ARHGAP6: variants seen among roughly 807,000 people sequenced by gnomAD.
The protein encoded by ARHGAP6 is Rho GTPase activating protein 6.
Under a neutral mutation model 55.7 loss-of-function variants are expected in ARHGAP6, and 16 were observed. The ratio of observed to expected loss-of-function variants is 0.29; its 90% confidence interval spans 0.19 to 0.44. ARHGAP6 has a LOEUF of 0.44. ARHGAP6 is among the 20% of genes least tolerant of loss of function. ARHGAP6 has a pLI of 1.00. For missense variants in ARHGAP6, 698 were observed against 808.9 expected (o/e 0.86, Z 1.66); for synonymous variants, 382 against 360.9 (o/e 1.06, Z -0.66).
chrX:11,445,131 C>T lies in ARHGAP6; in HGVS notation c.589-190424G>A, dbSNP rs181520296. On this transcript the variant is annotated intron_variant, in intron 1 of 12. Coordinates refer to ENST00000337414, the MANE Select transcript of ARHGAP6 (RefSeq NM_013427.3). ...ATTTATTTTTATTGAGAAGAACATT[C>T]TTTTAAAAGCACTGTTCTTTTCCTT... Among the ~76,000 whole-genome samples, 23 of 112,497 alleles carry T rather than the reference C, an allele frequency of 2.0e-4. 1 individual carries two copies. In the East Asian group the frequency reaches 5.3e-3, roughly 26 times the overall value.
chrX:11,176,357 T>A (rs2147325980), intron 8 of ARHGAP6, among the ~76,000 whole-genome samples: 1 of 52,661 alleles, frequency 1.9e-5, no homozygotes, highest in Non-Finnish European at 3.6e-5. Flanking sequence ...ATATCTCCCC[T>A]AGCACAAAGC....
intron 2 of ARHGAP6, among the ~76,000 whole-genome samples, chrX:11,233,526 G>A (rs1405623047): frequency 2.7e-5 from 3 of 111,623 alleles, no homozygotes; most frequent in African/African-American, 9.8e-5. Flanking sequence ...TACTGGGGCA[G>A]ACATTCCTAC....
chrX:11,577,121 C>A (rs767003711), intron 1 of ARHGAP6, among the ~76,000 whole-genome samples: 3 of 112,224 alleles, frequency 2.7e-5, no homozygotes, highest in Non-Finnish European at 5.6e-5. Flanking sequence ...ATCTCAAGAT[C>A]CTTAATTTAA....
rs1317917166 is a variant in ARHGAP6, at chrX:11,179,298, G to A, written c.1480+4C>T. ...ACTTTCCCACATATGGCTGTATTAC[G>A]CACAGAGAGTGTTGATGAAAGCTGT... On this transcript the variant is annotated splice_donor_region_variant and intron_variant, in intron 7 of 12. Coordinates refer to ENST00000337414, the MANE Select transcript of ARHGAP6 (RefSeq NM_013427.3). The A allele has an allele frequency of 1.7e-6, 2 of 1,197,998 alleles. No homozygotes were observed. The highest frequency in any genetic ancestry group is 1.7e-5 in the African/African-American group (1 of 57,438).
chrX:11,347,775 C>T (rs1010887908), intron 1 of ARHGAP6, among the ~76,000 whole-genome samples: 1 of 111,715 alleles, frequency 9.0e-6, no homozygotes, highest in Non-Finnish European at 1.9e-5. Flanking sequence ...CACTCCACGC[C>T]ATTCAACATG....
chrX:11,650,894 C>T (rs2052576762), intron 1 of ARHGAP6, among the ~76,000 whole-genome samples: 1 of 112,304 alleles, frequency 8.9e-6, no homozygotes, highest in African/African-American at 3.2e-5. Context: ...TATCACCTTT[C>T]ATGTTTACTT....
chrX:11,563,051 TAA>T (rs924842537), intron 1 of ARHGAP6, among the ~76,000 whole-genome samples: 42 of 111,627 alleles, frequency 3.8e-4, no homozygotes, highest in Admixed American at 1.9e-3. Context: ...AAAGTTTTTT[TAA>T]AAGAGACATA....
chrX:11,228,716 T>C (rs1465276144), intron 2 of ARHGAP6, among the ~76,000 whole-genome samples: 1 of 112,498 alleles, frequency 8.9e-6, no homozygotes, highest in Non-Finnish European at 1.9e-5. Context: ...TTAAATTTCT[T>C]TTTTTGAGAC....
At chrX:11,511,729 T>C (rs908617253) in intron 1 of ARHGAP6, among the ~76,000 whole-genome samples, 2 of 111,468 alleles carry the variant, frequency 1.8e-5, no homozygotes, top group African/African-American at 6.5e-5. Flanking sequence ...GAGGTGGTAA[T>C]CAACTCATCC....
intron 1 of ARHGAP6, among the ~76,000 whole-genome samples, chrX:11,390,049 T>A (rs1221161747): frequency 8.9e-6 from 1 of 112,344 alleles, no homozygotes; most frequent in Non-Finnish European, 1.9e-5. Context: ...CTAGGGTTTT[T>A]ATGGTTTTAG....
chrX:11,231,832 T>C (rs906948534), intron 2 of ARHGAP6, among the ~76,000 whole-genome samples: 2 of 112,248 alleles, frequency 1.8e-5, no homozygotes, highest in African/African-American at 6.5e-5. Flanking sequence ...ATTTTTCTTA[T>C]TTATTTGTAA....
At position 11,431,037 on chromosome X, in the gene ARHGAP6, G is replaced by A. The variant is rs2049936187; in HGVS notation, c.589-176330C>T. ...TAAAATGCACATTTGATCCTTTGGG[G>A]TAATGGAGAGAGATAAAAAGGCAGC... On this transcript the variant is annotated intron_variant, in intron 1 of 12. Coordinates refer to ENST00000337414, the MANE Select transcript of ARHGAP6 (RefSeq NM_013427.3). Among the ~76,000 whole-genome samples the A allele has an allele frequency of 6.2e-5, 7 of 112,581 alleles. No homozygotes were observed. In the South Asian group the frequency reaches 2.6e-3, roughly 42 times the overall value.
intron 1 of ARHGAP6, among the ~76,000 whole-genome samples, chrX:11,577,829 T>C (rs1159383768): frequency 1.8e-5 from 2 of 111,044 alleles, no homozygotes; most frequent in South Asian, 3.9e-4. Flanking sequence ...GGACACATGC[T>C]CCCAGTTCTT....
At chrX:11,360,239 T>C (rs1426366211) in intron 1 of ARHGAP6, among the ~76,000 whole-genome samples, 1 of 111,980 alleles carries the variant, frequency 8.9e-6, no homozygotes, top group Non-Finnish European at 1.9e-5. Flanking sequence ...CTGATGAACA[T>C]TGATGCAAAA....
intron 1 of ARHGAP6, among the ~76,000 whole-genome samples, chrX:11,383,181 G>A (rs979345423): frequency 9.0e-6 from 1 of 111,400 alleles, no homozygotes; most frequent in African/African-American, 3.3e-5. Flanking sequence ...GGCAAATGAA[G>A]GAGTTCTGAA....
rs754289458 is a variant in ARHGAP6 at position 11,256,221 on chromosome X, C to T, written c.589-1514G>A. 2.6e-4 allele frequency among the ~76,000 whole-genome samples: 29 copies of T among 112,024 alleles called. 1 individual carries two copies. Among genetic ancestry groups the T allele is most frequent in the Non-Finnish European group, 3.6e-4 (19 of 53,152 alleles). On this transcript the variant is annotated intron_variant, in intron 1 of 12. Transcript: ENST00000337414. ...CCTGGCCAACATGGCAAAAGCCCGTCTCTACTAAAAATACAAAATTAGCCA... is the reference window on the plus strand; with the variant it reads ...CCTGGCCAACATGGCAAAAGCCCGTTTCTACTAAAAATACAAAATTAGCCA...
chrX:11,375,685 C>T (rs1056495121), intron 1 of ARHGAP6, among the ~76,000 whole-genome samples: 3 of 111,727 alleles, frequency 2.7e-5, no homozygotes, highest in Non-Finnish European at 5.6e-5. Context: ...TCTGCTTTCC[C>T]GCCTCCCATT....
chrX:11,324,352 A>G (rs1472611020), intron 1 of ARHGAP6, among the ~76,000 whole-genome samples: 1 of 112,232 alleles, frequency 8.9e-6, no homozygotes, highest in African/African-American at 3.2e-5. Flanking sequence ...GCGTTTTGGG[A>G]TGCTCAAGGC....
chrX:11,496,750 AATTAAT>A (rs1454324978), intron 1 of ARHGAP6, among the ~76,000 whole-genome samples: 1 of 112,249 alleles, frequency 8.9e-6, no homozygotes, highest in Non-Finnish European at 1.9e-5. Flanking sequence ...TGTCAAATTA[AATTAAT>A]ATTACTACTG....
Sources: gnomAD v4.1 joint callset for allele counts (sites outside exome capture counted in the v4.1 genomes callset) on GRCh38, gnomAD v4.1.1 for gene constraint, MANE v1.5 for transcripts, NCBI Gene and HGNC (gene_info 2026-07-23, HGNC 2026-07-21) for gene names.